Variants in SYT1 observed in about 807,000 individuals in gnomAD.
SYT1 encodes synaptotagmin-1.
SYT1 carries 8 observed loss-of-function variants against 44.8 expected under a neutral mutation model. The ratio of observed to expected loss-of-function variants is 0.18; its 90% CI spans 0.10 to 0.32. SYT1 has a LOEUF of 0.32. Among genes scored for constraint, SYT1 ranks in the 10% least tolerant of loss-of-function variants. The pLI is 1.00. For missense variants in SYT1, 286 were observed against 509.3 expected, an observed-to-expected ratio of 0.56 and a Z score of 4.22; for synonymous variants, 154 against 188.8, an observed-to-expected ratio of 0.82 and a Z score of 1.51.
rs1378741314 is a variant in SYT1 at position 78,876,892 on chromosome 12, A to ACG, written c.-217+11783_-217+11784insCG. 2.8e-3 allele frequency among the ~76,000 whole-genome samples: 29 copies of ACG among 10,362 alleles called. 1 individual carries two copies. The highest frequency in any genetic ancestry group is 6.2e-3 in the African/African-American group (21 of 3,382). 6.8% of individuals were successfully genotyped at this position (10,362 alleles called of 152,430 possible). The stretch of plus-strand genomic sequence containing the variant: ...ATATATTATATGTATTATATATAAT[A>ACG]TATATTATATATTATATGTATTATA... On this transcript the variant is annotated intron_variant, in intron 1 of 10. Transcript: ENST00000261205.
intron 3 of SYT1, among the ~76,000 whole-genome samples, chr12:79,212,520 C>T (rs1874523095): frequency 6.7e-6 from 1 of 149,438 alleles, no homozygotes; most frequent in African/African-American, 2.5e-5. Flanking sequence ...AAGAAAATTG[C>T]CTGTGCTGGA....
At chr12:78,970,042 G>C (rs1868338372) in intron 1 of SYT1, among the ~76,000 whole-genome samples, 2 of 152,280 alleles carry the variant, frequency 1.3e-5, no homozygotes, top group South Asian at 4.1e-4. Flanking sequence ...TCCAGAGTTT[G>C]TTACAGTATC....
intron 1 of SYT1, among the ~76,000 whole-genome samples, chr12:78,965,339 C>A (rs1879713880): frequency 6.6e-6 from 1 of 152,120 alleles, no homozygotes; most frequent in South Asian, 2.1e-4. Context: ...CTACTATGAG[C>A]ATAGAACAAT....
chr12:79,217,848 G>A (rs983853933), intron 4 of SYT1, among the ~76,000 whole-genome samples, 163 bp downstream of exon 4: 3 of 151,890 alleles, frequency 2.0e-5, no homozygotes, highest in African/African-American at 4.8e-5. Context: ...TCTTGGAAAT[G>A]GAATATTCTT....
intron 3 of SYT1, among the ~76,000 whole-genome samples, chr12:79,060,783 G>A (rs949996388): frequency 1.3e-5 from 2 of 151,984 alleles, no homozygotes; most frequent in Non-Finnish European, 2.9e-5. Context: ...AAGATAAGAT[G>A]CAAATATAGA....
intron 1 of SYT1, among the ~76,000 whole-genome samples, chr12:78,977,064 GA>G (rs1244021573): frequency 6.7e-6 from 1 of 150,346 alleles, no homozygotes; most frequent in East Asian, 2.0e-4. Context: ...AAAGAGAACA[GA>G]AAAAAATTTT....
chr12:79,245,673 A>C (rs1876811443), intron 4 of SYT1, among the ~76,000 whole-genome samples: 1 of 152,074 alleles, frequency 6.6e-6, no homozygotes, highest in South Asian at 2.1e-4. Flanking sequence ...TGTTCTGGGG[A>C]GCAACTCAGG....
At chr12:78,959,126 C>T (rs1433870615) in intron 1 of SYT1, among the ~76,000 whole-genome samples, 3 of 152,078 alleles carry the variant, frequency 2.0e-5, no homozygotes, top group Non-Finnish European at 4.4e-5. Context: ...ATTTGAGAAG[C>T]TACCTAAGCT....
intron 2 of SYT1, among the ~76,000 whole-genome samples, chr12:79,014,018 G>A (rs1013915121): frequency 1.3e-5 from 2 of 150,742 alleles, no homozygotes; most frequent in Admixed American, 6.6e-5. Flanking sequence ...CCCAGTACTC[G>A]GGATCATGAG....
intron 3 of SYT1, among the ~76,000 whole-genome samples, chr12:79,189,349 C>A (rs966461891): frequency 6.6e-6 from 1 of 152,112 alleles, no homozygotes; most frequent in Non-Finnish European, 1.5e-5. Context: ...AGAAGGAATT[C>A]TATCAAATGA....
intron 1 of SYT1, among the ~76,000 whole-genome samples, chr12:78,906,292 G>A (rs899822990): frequency 5.9e-5 from 9 of 152,158 alleles, no homozygotes; most frequent in African/African-American, 2.2e-4. Flanking sequence ...GTAGGAAGAT[G>A]TTCTGAGGGA....
intron 8 of SYT1, among the ~76,000 whole-genome samples, chr12:79,319,174 GC>G (rs1453662783): frequency 6.6e-6 from 1 of 152,112 alleles, no homozygotes; most frequent in Non-Finnish European, 1.5e-5. Context: ...TTTAAAAAAT[GC>G]CATTTTTGTT....
At chr12:78,873,717 A>G (rs762917177) in intron 1 of SYT1, among the ~76,000 whole-genome samples, 1 of 151,642 alleles carries the variant, frequency 6.6e-6, no homozygotes, top group Non-Finnish European at 1.5e-5. Context: ...GTTCCTTCAC[A>G]TAACATTAGT....
intron 9 of SYT1, among the ~76,000 whole-genome samples, chr12:79,382,417 A>G (rs1884261264): frequency 6.6e-6 from 1 of 152,118 alleles, no homozygotes; most frequent in Non-Finnish European, 1.5e-5. Context: ...TCAAAAATAC[A>G]CAAACACATG....
At chr12:78,930,538 G>A (rs1445372160) in intron 1 of SYT1, among the ~76,000 whole-genome samples, 2 of 151,972 alleles carry the variant, frequency 1.3e-5, no homozygotes, top group East Asian at 3.9e-4. Flanking sequence ...ATAGCACCAA[G>A]CTGTGAAGCC....
At chr12:79,264,286 TCTC>T (rs759442575) in intron 4 of SYT1, among the ~76,000 whole-genome samples, 8 of 152,058 alleles carry the variant, frequency 5.3e-5, no homozygotes, top group Non-Finnish European at 1.0e-4. Flanking sequence ...TTCATGCCAT[TCTC>T]CTGCCTCAGC....
intron 3 of SYT1, among the ~76,000 whole-genome samples, chr12:79,116,329 G>A (rs1007935610): frequency 6.6e-6 from 1 of 152,176 alleles, no homozygotes; most frequent in African/African-American, 2.4e-5. Flanking sequence ...ATTGGTATTA[G>A]TGTTCAGTAG....
chr12:79,273,278 AT>A (rs747782102), intron 4 of SYT1, among the ~76,000 whole-genome samples: 7 of 150,682 alleles, frequency 4.6e-5, no homozygotes, highest in Non-Finnish European at 7.4e-5. Context: ...ACATCCAGCT[AT>A]TTTTTTTTAT....
intron 1 of SYT1, among the ~76,000 whole-genome samples, chr12:78,933,348 G>A (rs532231415): frequency 2.2e-4 from 33 of 152,166 alleles, no homozygotes; most frequent in Admixed American, 1.0e-3. Flanking sequence ...AAAAGTTTGC[G>A]GTGGGAAAGT....
Sources: allele counts gnomAD v4.1 joint callset (sites outside exome capture counted in the v4.1 genomes callset), GRCh38; gene constraint gnomAD v4.1.1; transcripts MANE v1.5; gene names NCBI Gene and HGNC (gene_info 2026-07-23, HGNC 2026-07-21).